The following BEST3 variants were observed in gnomAD, a reference collection of about 807,000 sequenced individuals.
BEST3 encodes bestrophin-3.
A neutral mutation model predicts 47.1 loss-of-function variants in BEST3; 50 were observed. That is an observed-to-expected ratio of 1.06 (90% confidence interval 0.85 to 1.34). BEST3 has a LOEUF of 1.34. Among genes scored for constraint, BEST3 ranks in the 40% most tolerant of loss-of-function variants. The pLI, the probability that BEST3 is intolerant of heterozygous loss-of-function variation, is 0.00. For missense variants in BEST3, 765 were observed against 817.0 expected, an observed-to-expected ratio of 0.94 and a Z score of 0.78; for synonymous variants, 282 against 298.8, an observed-to-expected ratio of 0.94 and a Z score of 0.58.
intron 9 of BEST3, among the ~76,000 whole-genome samples, chr12:69,644,210 T>C (rs185836600): frequency 1.7e-3 from 253 of 152,330 alleles, no homozygotes; most frequent in African/African-American, 5.8e-3. Flanking sequence ...GCAGGCCTGA[T>C]TTTGAAACGC....
rs1438880272 is a variant in BEST3, at chr12:69,655,705, T to G, written c.1209A>C (p.Glu403Asp). The G allele has an allele frequency of 6.2e-7, 1 of 1,613,776 alleles. No individual in the cohort carries two copies. Among genetic ancestry groups the G allele is most frequent in the African/African-American group, 1.3e-5 (1 of 74,838 alleles). The change falls in exon 10 of 10, where the codon GAA (glutamate) becomes GAC (aspartate). Residue 403 changes from glutamate (E) to aspartate (D), a missense_variant. Physicochemically the swap from Glu to Asp is conservative, Grantham distance 45. Transcript: ENST00000330891. The stretch of plus-strand genomic sequence containing the variant: ...TTCTTCTTCTGGGGCTGGAGGGGTG[T>G]TCGTGGGCACTCAGGAACCGCTTGA... ...RRVKRFLSAH[E>D]HPSSPRRRSY... is the part of the protein sequence containing the mutation.
intron 4 of BEST3, among the ~76,000 whole-genome samples, chr12:69,691,914 C>G (rs758134431): frequency 1.3e-5 from 2 of 152,212 alleles, no homozygotes; most frequent in African/African-American, 2.4e-5. Flanking sequence ...CCATCACTCA[C>G]CAGTCAAAAC....
chr12:69,699,239 A>G lies in BEST3; in HGVS notation c.-50T>C. ...TGGTTTGTAGTCTCCGACAGGAAAG[A>G]GAATCTTCAAATTTCGGGCTCCCCC... On this transcript the variant is annotated 5_prime_UTR_variant, in exon 1 of 10. Transcript: ENST00000330891. The G allele has an allele frequency of 1.0e-6, 1 of 985,430 alleles. No homozygotes were observed. Among genetic ancestry groups the G allele is most frequent in the Non-Finnish European group, 1.2e-6 (1 of 829,942 alleles). 61.0% of individuals were successfully genotyped at this position (985,430 alleles called of 1,614,324 possible).
rs1359677397 is a variant in BEST3, at chr12:69,655,867, G to A, written c.1101-54C>T. The A allele has an allele frequency of 5.2e-6, 8 of 1,528,126 alleles. No individual in the cohort carries two copies. The East Asian group carries it at 1.6e-4, about 30-fold the overall frequency. 94.7% of individuals were successfully genotyped at this position (1,528,126 alleles called of 1,614,324 possible). On this transcript the variant is annotated intron_variant, in intron 9 of 9. Transcript: ENST00000330891. ...AGAGTAGCTTCGGGGGCCTAGCTTT[G>A]GGGGCAGAGTCTCAAAGTTAAGAGA...
At chr12:69,694,202 T>G (rs950707574) in intron 3 of BEST3, 168 bp downstream of exon 3, 8 of 585,544 alleles carry the variant, frequency 1.4e-5, no homozygotes, top group Non-Finnish European at 2.4e-5. Flanking sequence ...GGTGTTAATT[T>G]CGCAAAAGCA....
chr12:69,672,940 A>G lies in BEST3; in HGVS notation c.893T>C (p.Phe298Ser), dbSNP rs1376821915. ...LKVAEQLINP[F>S]GEDDDDFETN... ...TTCAAAATCATCATCATCTTCTCCAAAAGGGTTGATAAGCTGCTCTGCTAC... is the reference window on the plus strand; with the variant it reads ...TTCAAAATCATCATCATCTTCTCCAGAAGGGTTGATAAGCTGCTCTGCTAC... Residue 298 changes from phenylalanine to serine, a missense_variant, in exon 8 of 10, where the codon TTT becomes TCT. Coordinates refer to ENST00000330891, the MANE Select transcript of BEST3 (RefSeq NM_032735.3). 6.2e-7 allele frequency: 1 copy of G among 1,613,518 alleles called. No individual in the cohort carries two copies. Among genetic ancestry groups the G allele is most frequent in the Non-Finnish European group, 8.5e-7 (1 of 1,179,808 alleles).
chr12:69,684,376 A>T, intron 4 of BEST3: 1 of 431,380 alleles, frequency 2.3e-6, no homozygotes, highest in East Asian at 3.3e-5. Context: ...ACTTTAAGAC[A>T]AAATTTTATT....
intron 4 of BEST3, chr12:69,689,173 C>A: frequency 2.3e-5 from 23 of 985,464 alleles, no homozygotes; most frequent in Non-Finnish European, 2.8e-5. Context: ...TTCCCAGAAA[C>A]CTTGGCACAG....
intron 7 of BEST3, among the ~76,000 whole-genome samples, chr12:69,675,719 T>G (rs1884874069): frequency 6.6e-6 from 1 of 152,254 alleles, no homozygotes; most frequent in South Asian, 2.1e-4. Flanking sequence ...AGAATCACAG[T>G]AATCTGATTA....
At chr12:69,675,191 C>T (rs948936980) in intron 7 of BEST3, among the ~76,000 whole-genome samples, 2 of 152,196 alleles carry the variant, frequency 1.3e-5, no homozygotes, top group Admixed American at 1.3e-4. Context: ...GTGAACATGG[C>T]TCACTGCACC....
At chr12:69,697,525 G>C (rs760324496) in intron 2 of BEST3, 122 bp downstream of exon 2, 10 of 714,868 alleles carry the variant, frequency 1.4e-5, no homozygotes, top group Non-Finnish European at 1.8e-5. Flanking sequence ...ACAAATGAGA[G>C]GCTCACGCAA....
rs1883442922 is a variant in BEST3, at chr12:69,655,734, T to C, written c.1180A>G (p.Arg394Gly). 6.2e-7 allele frequency: 1 copy of C among 1,613,922 alleles called. No individual in the cohort carries two copies. Among genetic ancestry groups the C allele is most frequent in the Non-Finnish European group, 8.5e-7 (1 of 1,179,948 alleles). ...KHGHRHSMIR[R>G]VKRFLSAHEH... is the part of the protein sequence containing the mutation. ...TGGGCACTCAGGAACCGCTTGACTC[T>C]TCTTATCATGGAATGCCGATGGCCA... Residue 394 changes from arginine to glycine, a missense_variant, in exon 10 of 10, where the codon AGA (arginine) becomes GGA (glycine). Transcript: ENST00000330891.
At chr12:69,686,771 C>CAACAAAACGAAAAA (rs1555208495) in intron 4 of BEST3, among the ~76,000 whole-genome samples, 1 of 49,938 alleles carries the variant, frequency 2.0e-5, no homozygotes, top group Non-Finnish European at 3.4e-5. Flanking sequence ...GATTCTGCCT[C>CAACAAAACGAAAAA]AAAAAAACAA....
Position 69,694,477 on chromosome 12 carries a change from T to A in BEST3, c.153-13A>T, listed in dbSNP as rs114161361. The A allele has an allele frequency of 1.5e-3, 2,188 of 1,479,104 alleles. 26 individuals are homozygous for A. The African/African-American group carries it at 0.027, about 19-fold the overall frequency. 91.6% of individuals were successfully genotyped at this position (1,479,104 alleles called of 1,614,324 possible). On this transcript the variant is annotated splice_polypyrimidine_tract_variant and intron_variant, in intron 2 of 9. Coordinates refer to ENST00000330891, the MANE Select transcript of BEST3 (RefSeq NM_032735.3). ...TGTAAGTAACAATCTGGAGCAAAAA[T>A]AAAATGCACAGCCCTTTATGATATT...
In BEST3 at chr12:69,693,814, A is replaced by G. The variant is rs761306542; in HGVS notation, c.341T>C (p.Val114Ala). 1.2e-6 allele frequency: 2 copies of G among 1,614,162 alleles called. No individual in the cohort carries two copies. The highest frequency in any genetic ancestry group is 1.1e-5 in the South Asian group (1 of 91,070). Residue 114 changes from valine (V) to alanine (A), a missense_variant, in exon 4 of 10, where the codon GTT becomes GCT. Coordinates refer to ENST00000330891, the MANE Select transcript of BEST3 (RefSeq NM_032735.3). The part of the protein sequence containing the change: ...DRLMFLISSS[V>A]HGSDEHGRLL... Reference sequence around the variant, plus strand: ...GCGCCCGTGCTCGTCGCTTCCGTGAACACTGCTAGAGATGAGGAACATTAG... The same window carrying G: ...GCGCCCGTGCTCGTCGCTTCCGTGAGCACTGCTAGAGATGAGGAACATTAG...
Position 69,655,460 on chromosome 12 carries a change from G to C in BEST3, c.1454C>G (p.Thr485Ser), listed in dbSNP as rs747520251. ...GGAAGTTCTCACACTGGACTGTGGG[G>C]TCAGGCTCTGTAAAGTGCTTGTCTG... ...TSQTSTLQSLTPQSSVRTSPI... is the reference protein window; with the variant it reads ...TSQTSTLQSLSPQSSVRTSPI... Residue 485 changes from threonine (T) to serine (S), a missense_variant, in exon 10 of 10, where the codon ACC becomes AGC. Physicochemically the swap from Thr to Ser is moderately conservative, Grantham distance 58. Transcript: ENST00000330891. 6.2e-7 allele frequency: 1 copy of C among 1,614,144 alleles called. No individual in the cohort carries two copies. The highest frequency in any genetic ancestry group is 1.7e-5 in the Admixed American group (1 of 60,026).
chr12:69,671,260 G>A (rs1299991352), intron 9 of BEST3, among the ~76,000 whole-genome samples, 168 bp downstream of exon 9: 1 of 152,124 alleles, frequency 6.6e-6, no homozygotes, highest in Admixed American at 6.5e-5. Context: ...GAACCCCTGG[G>A]CTCAAGCAAT....
intron 4 of BEST3, among the ~76,000 whole-genome samples, chr12:69,680,606 C>T (rs563031901): frequency 3.3e-4 from 50 of 152,092 alleles, no homozygotes; most frequent in Middle Eastern, 3.4e-3. Context: ...CGCCCCTAGC[C>T]GATCTTTTCT....
chr12:69,652,886 T>C (rs959527851), downstream of BEST3, among the ~76,000 whole-genome samples: 14 of 152,228 alleles, frequency 9.2e-5, no homozygotes, highest in Non-Finnish European at 5.9e-5. Flanking sequence ...AGAAGTGTTA[T>C]ATTGGCTCTT....
Sources: allele counts gnomAD v4.1 joint callset (sites outside exome capture counted in the v4.1 genomes callset), GRCh38; gene constraint gnomAD v4.1.1; transcripts MANE v1.5; gene names NCBI Gene and HGNC (gene_info 2026-07-23, HGNC 2026-07-21).